The following AUH variants were observed in gnomAD, a reference collection of about 807,000 sequenced individuals.
The protein encoded by AUH is methylglutaconyl-CoA hydratase, mitochondrial.
A neutral mutation model predicts 42.3 loss-of-function variants in AUH; 29 were observed. The ratio of observed to expected loss-of-function variants is 0.69; its 90% CI spans 0.51 to 0.93. The LOEUF is 0.93. Among genes scored for constraint, AUH ranks in the 40% least tolerant of loss-of-function variants. The pLI is 0.00. For missense variants in AUH, 452 were observed against 438.1 expected, an observed-to-expected ratio of 1.03 and a Z score of -0.28; for synonymous variants, 174 against 166.4, an observed-to-expected ratio of 1.05 and a Z score of -0.35.
At chr9:91,275,653 G>A (rs1425503699) in intron 6 of AUH, among the ~76,000 whole-genome samples, 1 of 152,164 alleles carries the variant, frequency 6.6e-6, no homozygotes, top group Non-Finnish European at 1.5e-5. Flanking sequence ...CACTTCAACA[G>A]GCCAAATCTC....
At chr9:91,345,558 G>A (rs1249015640) in intron 3 of AUH, among the ~76,000 whole-genome samples, 4 of 152,154 alleles carry the variant, frequency 2.6e-5, no homozygotes, top group African/African-American at 7.2e-5. Flanking sequence ...AGAAGGCCAG[G>A]CGTGGTGGCT....
chr9:91,312,249 T>G (rs298719), intron 4 of AUH, among the ~76,000 whole-genome samples: 147,783 of 152,298 alleles, frequency 0.97, 71,721 homozygotes, highest in East Asian at 1. Flanking sequence ...AAATCACGGT[T>G]GCCAAAGAGA....
intron 4 of AUH, among the ~76,000 whole-genome samples, chr9:91,318,682 G>A (rs1213933438): frequency 1.3e-5 from 2 of 152,182 alleles, no homozygotes; most frequent in Admixed American, 6.5e-5. Context: ...GCATGGTTGG[G>A]CCCAAGATGG....
At chr9:91,216,427 C>T (rs1826823870) in intron 8 of AUH, among the ~76,000 whole-genome samples, 1 of 142,790 alleles carries the variant, frequency 7.0e-6, no homozygotes, top group African/African-American at 2.6e-5. Flanking sequence ...CTAGGTGAGG[C>T]CTTTATGTCG....
At chr9:91,295,967 CCT>C (rs1827294705) in intron 6 of AUH, 52 bp downstream of exon 6, 3 of 1,592,400 alleles carry the variant, frequency 1.9e-6, no homozygotes, top group Non-Finnish European at 2.6e-6. Context: ...TGCCTTATGC[CCT>C]GTTTCTAGGA....
chr9:91,215,668 G>A (rs77091995), intron 9 of AUH, among the ~76,000 whole-genome samples: 26 of 152,250 alleles, frequency 1.7e-4, no homozygotes, highest in African/African-American at 6.0e-4. Context: ...ACAGATCAGA[G>A]GTTCAGGAAA....
intron 1 of AUH, among the ~76,000 whole-genome samples, chr9:91,359,645 G>A (rs1237465364): frequency 2.6e-5 from 4 of 152,114 alleles, no homozygotes; most frequent in Non-Finnish European, 5.9e-5. Context: ...CAAATATGGA[G>A]CCCAGATAAC....
chr9:91,331,991 C>T (rs1830361087), intron 3 of AUH, among the ~76,000 whole-genome samples: 1 of 152,172 alleles, frequency 6.6e-6, no homozygotes, highest in African/African-American at 2.4e-5. Context: ...CTTTTTGTTC[C>T]TATTATTGCT....
In AUH at chr9:91,361,717, G is replaced by A; in HGVS notation, c.173C>T (p.Ala58Val). 1 of 1,551,462 alleles carries A rather than the reference G, an allele frequency of 6.4e-7. No homozygotes were observed. ...AIWAQGWVPA[A>V]GGPAPKRGYS... ...GCCCCTTTTCGGGGCGGGACCCCCG[G>A]CCGCAGGTACCCAGCCCTGGGCCCA... is the stretch of plus-strand genomic sequence containing the variant. The change falls in exon 1 of 10, where the codon GCC becomes GTC. Residue 58 changes from alanine to valine, a missense_variant. Transcript: ENST00000375731.
chr9:91,241,410 G>A (rs1332169118), intron 6 of AUH, among the ~76,000 whole-genome samples: 5 of 152,040 alleles, frequency 3.3e-5, no homozygotes, highest in African/African-American at 1.2e-4. Flanking sequence ...TTATATATAA[G>A]TATATGTGAT....
intron 6 of AUH, among the ~76,000 whole-genome samples, chr9:91,238,344 A>T (rs1401087845): frequency 6.6e-6 from 1 of 152,208 alleles, no homozygotes; most frequent in Non-Finnish European, 1.5e-5. Flanking sequence ...ATGGGAAGGG[A>T]GTGCTCCATT....
At chr9:91,321,584 G>T (rs369629609) in intron 4 of AUH, among the ~76,000 whole-genome samples, 1 of 152,096 alleles carries the variant, frequency 6.6e-6, no homozygotes, top group African/African-American at 2.4e-5. Context: ...ACTGAAGTGA[G>T]ATTTCTTGAA....
chr9:91,316,630 C>T (rs1484434399), intron 4 of AUH, among the ~76,000 whole-genome samples: 1 of 152,218 alleles, frequency 6.6e-6, no homozygotes, highest in Non-Finnish European at 1.5e-5. Context: ...TCTATGACTA[C>T]TACTGTGGCT....
At chr9:91,360,625 T>G (rs969522593) in intron 1 of AUH, among the ~76,000 whole-genome samples, 6 of 152,224 alleles carry the variant, frequency 3.9e-5, no homozygotes, top group African/African-American at 1.4e-4. Context: ...CAAAATCCAC[T>G]GCCTATTAAA....
intron 6 of AUH, among the ~76,000 whole-genome samples, chr9:91,230,507 C>T (rs1827805012): frequency 6.6e-6 from 1 of 152,108 alleles, no homozygotes; most frequent in Non-Finnish European, 1.5e-5. Context: ...GAATGTCCTC[C>T]CATAGCTCAG....
chr9:91,282,217 A>G (rs1826025746), intron 6 of AUH, among the ~76,000 whole-genome samples: 1 of 152,120 alleles, frequency 6.6e-6, no homozygotes. Context: ...TCAGATCTGT[A>G]TGATTAATTT....
At chr9:91,256,688 C>T (rs1165016971) in intron 6 of AUH, among the ~76,000 whole-genome samples, 1 of 152,064 alleles carries the variant, frequency 6.6e-6, no homozygotes, top group Non-Finnish European at 1.5e-5. Flanking sequence ...AAGCGGCAGA[C>T]TTACTGCACA....
chr9:91,288,459 C>T (rs765240829), intron 6 of AUH, among the ~76,000 whole-genome samples: 65 of 152,152 alleles, frequency 4.3e-4, no homozygotes, highest in Non-Finnish European at 8.2e-4. Context: ...GAAACTAGGG[C>T]TATATATTGT....
At chr9:91,301,534 G>A (rs928425636) in intron 4 of AUH, among the ~76,000 whole-genome samples, 39 of 152,266 alleles carry the variant, frequency 2.6e-4, no homozygotes, top group African/African-American at 7.5e-4. Context: ...GTGAGACCTC[G>A]TCTTGATTTT....
Sources: allele counts gnomAD v4.1 joint callset (sites outside exome capture counted in the v4.1 genomes callset), GRCh38; gene constraint gnomAD v4.1.1; transcripts MANE v1.5; gene names NCBI Gene and HGNC (gene_info 2026-07-23, HGNC 2026-07-21).